BOP1: variants seen among roughly 807,000 people sequenced by gnomAD.
BOP1 encodes the protein ribosome biogenesis protein BOP1.
A neutral mutation model predicts 82.9 loss-of-function variants in BOP1; 54 were observed. That is an observed-to-expected ratio of 0.65 (90% confidence interval 0.52 to 0.82). The LOEUF (loss-of-function observed/expected upper bound fraction) is 0.82. BOP1 is among the 40% of genes least tolerant of loss of function. The probability of loss-of-function intolerance (pLI) is 0.00; values close to 1 mark genes in which losing one functional copy is unlikely to be tolerated. For missense variants in BOP1, 1,170 were observed against 1,072.0 expected (o/e 1.09, Z -1.28); for synonymous variants, 566 against 451.1 (o/e 1.25, Z -3.23).
chr8:144,264,471 G>C, intron 6 of BOP1, 34 bp from the exon 7 acceptor site: 2 of 1,607,118 alleles, frequency 1.2e-6, no homozygotes, highest in Non-Finnish European at 1.7e-6. Context: ...CGGGCAGTGC[G>C]GGGCGGTCAG....
Position 144,291,354 on chromosome 8 carries a change from C to T in BOP1, c.17G>A (p.Gly6Asp), listed in dbSNP as rs1554840201. The change falls in exon 1 of 16, where the codon GGT (glycine) becomes GAT (aspartate). Residue 6 changes from glycine to aspartate, a missense_variant. Coordinates refer to ENST00000569669, the MANE Select transcript of BOP1 (RefSeq NM_015201.5). The surrounding 1 kb of genome is among the most constrained non-coding windows in gnomAD (Gnocchi z 4.1). ...GCTCGGCGCCGCCGTGCGCCCCGCA[C>T]CCCGCGAACCCGCCATGCCCCACCG... MAGSRGAGRTAAPSVR... is the reference protein window; with the variant it reads MAGSRDAGRTAAPSVR... 3.7e-6 allele frequency: 5 copies of T among 1,357,276 alleles called. No homozygotes were observed. The highest frequency in any genetic ancestry group is 4.8e-6 in the Non-Finnish European group (5 of 1,050,098). 84.1% of individuals were successfully genotyped at this position (1,357,276 alleles called of 1,614,324 possible).
intron 3 of BOP1, among the ~76,000 whole-genome samples, chr8:144,274,571 C>T (rs1845540912): frequency 6.6e-6 from 1 of 152,246 alleles, no homozygotes; most frequent in Non-Finnish European, 1.5e-5. Flanking sequence ...CTCTGCCGCC[C>T]CCTCGAGCCA....
intron 2 of BOP1, among the ~76,000 whole-genome samples, chr8:144,283,306 C>T (rs1814770298): frequency 6.6e-6 from 1 of 151,490 alleles, no homozygotes; most frequent in Non-Finnish European, 1.5e-5. Flanking sequence ...GCAAAGGGCT[C>T]CTGGCCCAGG....
Position 144,264,112 on chromosome 8 carries a change from C to T in BOP1, c.1009G>A (p.Glu337Lys), listed in dbSNP as rs920024095. 3.5e-5 allele frequency: 57 copies of T among 1,610,256 alleles called. No individual in the cohort carries two copies. Among genetic ancestry groups the T allele is most frequent in the Middle Eastern group, 1.7e-4 (1 of 5,892 alleles). ...RLAWEQQEPG[E>K]RKLSFLPRKF... is the part of the protein sequence containing the mutation. Reference sequence around the variant, plus strand: ...CGTGGCAAAAAGCTCAGCTTCCTCTCGCCTGGCTCCTGCTGTTCCCACGCC... The same window carrying T: ...CGTGGCAAAAAGCTCAGCTTCCTCTTGCCTGGCTCCTGCTGTTCCCACGCC... The change falls in exon 8 of 16, where the codon GAG (glutamate) becomes AAG (lysine). Residue 337 changes from glutamate (E) to lysine (K), a missense_variant. Glu to Lys is a moderately conservative substitution (Grantham distance 56). Transcript: ENST00000569669.
At position 144,262,396 on chromosome 8, in the gene BOP1, T is replaced by C; in HGVS notation, c.2087A>G (p.Asn696Ser). 1 of 1,612,682 alleles carries C rather than the reference T, an allele frequency of 6.2e-7. No homozygotes were observed. Among genetic ancestry groups the C allele is most frequent in the South Asian group, 1.1e-5 (1 of 91,058 alleles). The change falls in exon 15 of 16, where the codon AAT becomes AGT. Residue 696 changes from asparagine (N) to serine (S), a missense_variant and splice_region_variant. By Grantham distance (46) the Asn-to-Ser change is conservative. Transcript: ENST00000569669. ...SVIVCHGMVYNDLLQNPLLVP... is the reference protein window; with the variant it reads ...SVIVCHGMVYSDLLQNPLLVP... ...GGGGCCAGGCAGGGTCAGCACTCAC[T>C]TGTACACCATGCCATGGCAGACGAT...
intron 2 of BOP1, among the ~76,000 whole-genome samples, chr8:144,280,390 C>T (rs1203530767): frequency 6.6e-6 from 1 of 152,232 alleles, no homozygotes; most frequent in Non-Finnish European, 1.5e-5. Context: ...CAGACGGCAC[C>T]AGCACCCAGA....
Position 144,263,511 on chromosome 8 carries a change from G to T in BOP1, c.1391C>A (p.Pro464His). The change falls in exon 11 of 16, where the codon CCC becomes CAC. Residue 464 changes from proline to histidine, a missense_variant. Transcript: ENST00000569669. ...AGCCACCAGGCAGACAGCGGGGCTG[G>T]GGTTCCAGGCCACACTCTTCACCAC... ...GGVVKSVAWNPSPAVCLVAAA... is the reference protein window; with the variant it reads ...GGVVKSVAWNHSPAVCLVAAA... The T allele has an allele frequency of 6.3e-7, 1 of 1,599,104 alleles. No individual in the cohort carries two copies. Among genetic ancestry groups the T allele is most frequent in the Non-Finnish European group, 8.5e-7 (1 of 1,179,696 alleles).
chr8:144,286,484 C>T (rs1157070896), intron 2 of BOP1, among the ~76,000 whole-genome samples: 23 of 115,818 alleles, frequency 2.0e-4, no homozygotes, highest in African/African-American at 6.9e-4. Flanking sequence ...GGCAGGGCCT[C>T]GGCCCCTCAG....
In BOP1 at chr8:144,263,820, T is replaced by C. The variant is rs1434904406; in HGVS notation, c.1221+11A>G. On this transcript the variant is annotated intron_variant, in intron 9 of 15. Coordinates refer to ENST00000569669, the MANE Select transcript of BOP1 (RefSeq NM_015201.5). ...GGAGGGTGCAACCCCAGCCCCCTAG[T>C]CTCCACTTACCAGGGCCTGGCACGT... 3 of 1,610,420 alleles carry C rather than the reference T, an allele frequency of 1.9e-6. No homozygotes were observed. Among genetic ancestry groups the C allele is most frequent in the Non-Finnish European group, 2.5e-6 (3 of 1,179,520 alleles).
Position 144,263,231 on chromosome 8 carries a change from C to G in BOP1, c.1595G>C (p.Cys532Ser). The G allele has an allele frequency of 6.3e-7, 1 of 1,594,834 alleles. No individual in the cohort carries two copies. Among genetic ancestry groups the G allele is most frequent in the South Asian group, 1.1e-5 (1 of 90,804 alleles). ...AGGCGCCCCACGTACCTTCCCGTGG[C>G]AGATGCGCAGCCGCAGGCCCACTTG... ...ERQVGLRLRI[C>S]HGKPVTQVTW... Residue 532 changes from cysteine to serine, a missense_variant, in exon 12 of 16, where the codon TGC becomes TCC. Transcript: ENST00000569669.
intron 3 of BOP1, 64 bp downstream of exon 3, chr8:144,276,160 G>A (rs1845565247): frequency 1.3e-6 from 2 of 1,583,432 alleles, no homozygotes; most frequent in East Asian, 4.5e-5. Flanking sequence ...CCAACCCCCA[G>A]CACCTGCTAG....
At chr8:144,284,199 G>C (rs1814802932) in intron 2 of BOP1, among the ~76,000 whole-genome samples, 2 of 152,200 alleles carry the variant, frequency 1.3e-5, no homozygotes, top group South Asian at 4.1e-4. Flanking sequence ...CAGGGAGGCT[G>C]AGGTAGGAGG....
intron 3 of BOP1, among the ~76,000 whole-genome samples, chr8:144,270,845 G>A (rs1454617109): frequency 2.6e-5 from 4 of 152,094 alleles, no homozygotes; most frequent in Non-Finnish European, 2.9e-5. Flanking sequence ...GGGACGGAAG[G>A]GGCCCCAGCC....
At chr8:144,287,135 G>A (rs111960887) in intron 2 of BOP1, among the ~76,000 whole-genome samples, 2 of 152,094 alleles carry the variant, frequency 1.3e-5, no homozygotes, top group African/African-American at 4.8e-5. Flanking sequence ...TCAGCCTCCC[G>A]AGTAGCTGGG....
rs1032022417 is a variant in BOP1 at position 144,263,921 on chromosome 8, G to C, written c.1141-10C>G. The C allele has an allele frequency of 6.8e-6, 11 of 1,611,232 alleles. No homozygotes were observed. Among genetic ancestry groups the C allele is most frequent in the Non-Finnish European group, 8.5e-6 (10 of 1,179,304 alleles). ...CAGGGTCTACATTCACCTGGGGCAG[G>C]AGAGCGCCAGGTCAGCCTTGCCCCC... On this transcript the variant is annotated splice_polypyrimidine_tract_variant and intron_variant, in intron 8 of 15. Coordinates refer to ENST00000569669, the MANE Select transcript of BOP1 (RefSeq NM_015201.5).
intron 3 of BOP1, 70 bp downstream of exon 3, chr8:144,276,154 C>A (rs1045534695): frequency 4.4e-6 from 7 of 1,574,182 alleles, no homozygotes; most frequent in Non-Finnish European, 6.1e-6. Flanking sequence ...CCAGCCCCAA[C>A]CCCCAGCACC....
chr8:144,265,584 T>G, intron 3 of BOP1: 1 of 164,082 alleles, frequency 6.1e-6, no homozygotes, highest in Non-Finnish European at 1.3e-5. Flanking sequence ...TGGACGTACA[T>G]TCCTGGTTGC....
rs1169886789 is a variant in BOP1 at position 144,262,622 on chromosome 8, G to A, written c.1945C>T (p.Leu649=). The A allele has an allele frequency of 1.8e-5, 29 of 1,613,336 alleles. No individual in the cohort carries two copies. Among genetic ancestry groups the A allele is most frequent in the Non-Finnish European group, 2.2e-5 (26 of 1,179,826 alleles). Residue 649 remains leucine, a synonymous_variant, in exon 14 of 16, where the codon CTG becomes TTG. Transcript: ENST00000569669. Reference sequence around the variant, plus strand: ...CTGTATGGCTTGGTGGAAAGATCCAGGTCAAACCACACCAGCTTGCTATCG... The same window carrying A: ...CTGTATGGCTTGGTGGAAAGATCCAAGTCAAACCACACCAGCTTGCTATCG... ...SYDSKLVWFD[L]DLSTKPYRML...
Position 144,262,198 on chromosome 8 carries a change from G to A in BOP1, c.2207C>T (p.Ser736Leu), listed in dbSNP as rs1845202913. ...GAGGCGGACAGTCCCGTCTGCCCCC[G>A]AGGAGAAGACCCACGGCTGGGTGGG... ...FHPTQPWVFS[S>L]GADGTVRLFT The change falls in exon 16 of 16, where the codon TCG (serine) becomes TTG (leucine). Residue 736 changes from serine to leucine, a missense_variant. Physicochemically the swap from Ser to Leu is moderately radical, Grantham distance 145 (BLOSUM62 -2). Coordinates refer to ENST00000569669, the MANE Select transcript of BOP1 (RefSeq NM_015201.5). The A allele has an allele frequency of 5.6e-6, 9 of 1,612,702 alleles. No individual in the cohort carries two copies. The highest frequency in any genetic ancestry group is 6.8e-6 in the Non-Finnish European group (8 of 1,179,800).
Sources: allele counts gnomAD v4.1 joint callset (sites outside exome capture counted in the v4.1 genomes callset), GRCh38; gene constraint gnomAD v4.1.1; non-coding constraint Gnocchi (gnomAD v3.1); transcripts MANE v1.5; gene names NCBI Gene and HGNC (gene_info 2026-07-23, HGNC 2026-07-21).